Variants in CNTNAP2 observed in about 807,000 individuals in gnomAD.
CNTNAP2 encodes the protein contactin-associated protein-like 2.
CNTNAP2 carries 98 observed loss-of-function variants against 155.2 expected under a neutral mutation model. That is an observed-to-expected ratio of 0.63 (90% CI 0.54 to 0.75). The LOEUF is 0.75. CNTNAP2 is among the 30% of genes least tolerant of loss of function. The pLI is 0.00. For missense variants in CNTNAP2, 1,727 were observed against 1,688.1 expected, an observed-to-expected ratio of 1.02 and a Z score of -0.40; for synonymous variants, 651 against 631.2, an observed-to-expected ratio of 1.03 and a Z score of -0.47.
intron 3 of CNTNAP2, among the ~76,000 whole-genome samples, chr7:146,891,071 TAAAC>T (rs1467942254): frequency 2.0e-5 from 3 of 152,178 alleles, no homozygotes; most frequent in South Asian, 2.1e-4. Context: ...CCACAAAAAA[TAAAC>T]AAAATTATGT....
intron 14 of CNTNAP2, among the ~76,000 whole-genome samples, chr7:147,964,129 G>C (rs142034295): frequency 6.6e-4 from 101 of 152,160 alleles, no homozygotes; most frequent in African/African-American, 2.3e-3. Context: ...ACACAGGAGA[G>C]GTTCCTTTCT....
At chr7:147,484,897 A>G (rs765577656) in intron 10 of CNTNAP2, among the ~76,000 whole-genome samples, 1 of 152,228 alleles carries the variant, frequency 6.6e-6, no homozygotes, top group South Asian at 2.1e-4. Flanking sequence ...TCCCTACTAA[A>G]GTCTAGATGT....
chr7:146,656,604 G>T (rs1374387399), intron 1 of CNTNAP2, among the ~76,000 whole-genome samples: 1 of 152,126 alleles, frequency 6.6e-6, no homozygotes, highest in Non-Finnish European at 1.5e-5. Context: ...TGGCTTAACA[G>T]GTGTGCCAAT....
chr7:147,628,615 C>A (rs1403758509), intron 12 of CNTNAP2, among the ~76,000 whole-genome samples: 3 of 151,962 alleles, frequency 2.0e-5, no homozygotes, highest in Non-Finnish European at 4.4e-5. Context: ...GAAAACAGTA[C>A]CTCACATCTC....
intron 20 of CNTNAP2, 138 bp from the exon 21 acceptor site, chr7:148,266,895 T>A: frequency 3.8e-6 from 3 of 793,428 alleles, no homozygotes; most frequent in Non-Finnish European, 6.5e-6. Context: ...CTCGGGGTGG[T>A]GTTTTAGAGT....
At position 146,330,709 on chromosome 7, in the gene CNTNAP2, G is replaced by A. The variant is rs552276715; in HGVS notation, c.97+213736G>A. Among the ~76,000 whole-genome samples, 9 of 152,284 alleles carry A rather than the reference G, an allele frequency of 5.9e-5. 1 individual carries two copies. In the East Asian group the frequency reaches 1.7e-3, roughly 29 times the overall value. ...CCCTGAGGCTGGTTTATACTTGGCT[G>A]TTGGAGGAAAAGCAAGTGGCGATTT... On this transcript the variant is annotated intron_variant, in intron 1 of 23. Transcript: ENST00000361727.
chr7:146,706,720 A>G (rs111383334), intron 1 of CNTNAP2, among the ~76,000 whole-genome samples: 6 of 152,182 alleles, frequency 3.9e-5, no homozygotes, highest in African/African-American at 1.4e-4. Flanking sequence ...CAATGATGAG[A>G]ACACATGGAC....
intron 1 of CNTNAP2, among the ~76,000 whole-genome samples, chr7:146,637,720 G>A (rs982612816): frequency 6.6e-6 from 1 of 152,156 alleles, no homozygotes; most frequent in Non-Finnish European, 1.5e-5. Flanking sequence ...TCTGAACTAT[G>A]CAGAGTAGGA....
At chr7:147,825,440 C>T (rs561818845) in intron 13 of CNTNAP2, among the ~76,000 whole-genome samples, 3 of 152,032 alleles carry the variant, frequency 2.0e-5, no homozygotes, top group Non-Finnish European at 2.9e-5. Context: ...GGGTAGAACT[C>T]GAAGAAAGTT....
At chr7:146,669,926 A>G (rs1230253771) in intron 1 of CNTNAP2, among the ~76,000 whole-genome samples, 1 of 152,134 alleles carries the variant, frequency 6.6e-6, no homozygotes, top group African/African-American at 2.4e-5. Context: ...GCTTTTTAGT[A>G]GCTATTTCCT....
At chr7:147,091,940 C>T (rs1167966235) in intron 4 of CNTNAP2, among the ~76,000 whole-genome samples, 1 of 151,848 alleles carries the variant, frequency 6.6e-6, no homozygotes, top group Non-Finnish European at 1.5e-5. Context: ...GGGGTTTCAC[C>T]ATGTCAGTCA....
intron 1 of CNTNAP2, among the ~76,000 whole-genome samples, chr7:146,504,154 C>G (rs1372438827): frequency 6.6e-6 from 1 of 152,252 alleles, no homozygotes; most frequent in Non-Finnish European, 1.5e-5. Flanking sequence ...TCCTTACGCT[C>G]CACCCTCTAG....
intron 15 of CNTNAP2, among the ~76,000 whole-genome samples, chr7:148,104,551 A>G (rs4266567): frequency 0.16 from 24,894 of 152,182 alleles, 5,612 homozygotes; most frequent in African/African-American, 0.51. Flanking sequence ...TTTACAGCTC[A>G]GCTATGACCA....
intron 13 of CNTNAP2, chr7:147,704,256 G>GT (rs1796277381): frequency 6.5e-6 from 1 of 153,380 alleles, no homozygotes; most frequent in South Asian, 2.1e-4. Flanking sequence ...GAAATTTGTC[G>GT]TTTTCTCCCT....
In CNTNAP2 at chr7:147,132,265, T is replaced by C. The variant is rs1483000226; in HGVS notation, c.1104T>C (p.Cys368=). The change falls in exon 8 of 24, where the codon TGT becomes TGC. Residue 368 remains cysteine (C), a synonymous_variant. Coordinates refer to ENST00000361727, the MANE Select transcript of CNTNAP2 (RefSeq NM_014141.6). The stretch of plus-strand genomic sequence containing the variant: ...TACAGGGAAATTTGAGCTTTTCTTG[T>C]GTGGAACCCTATACGGTGCCTGTCT... ...PSNVGNLSFS[C]VEPYTVPVFF... 7.4e-6 allele frequency: 12 copies of C among 1,613,718 alleles called. No homozygotes were observed. The highest frequency in any genetic ancestry group is 1.0e-5 in the Non-Finnish European group (12 of 1,179,750).
At chr7:146,478,909 C>T (rs1796919411) in intron 1 of CNTNAP2, among the ~76,000 whole-genome samples, 1 of 151,998 alleles carries the variant, frequency 6.6e-6, no homozygotes, top group Admixed American at 6.6e-5. Flanking sequence ...TGTCTACTGC[C>T]TAAGTAATTA....
intron 1 of CNTNAP2, among the ~76,000 whole-genome samples, chr7:146,132,746 C>T (rs1156799516): frequency 6.6e-6 from 1 of 151,594 alleles, no homozygotes; most frequent in African/African-American, 2.4e-5. Flanking sequence ...ATGAACTCAT[C>T]ATTTTTTATG....
intron 5 of CNTNAP2, among the ~76,000 whole-genome samples, chr7:147,110,837 T>C (rs1211765002): frequency 1.3e-5 from 2 of 152,184 alleles, no homozygotes; most frequent in South Asian, 2.1e-4. Flanking sequence ...AATGAACATA[T>C]GTATGCATGT....
intron 4 of CNTNAP2, among the ~76,000 whole-genome samples, chr7:147,066,185 A>G (rs572544545): frequency 1.3e-5 from 2 of 152,310 alleles, no homozygotes; most frequent in East Asian, 1.9e-4. Flanking sequence ...AGTTTTCTCA[A>G]TGACCCTAAC....
Sources: allele counts gnomAD v4.1 joint callset (sites outside exome capture counted in the v4.1 genomes callset), GRCh38; gene constraint gnomAD v4.1.1; transcripts MANE v1.5; gene names NCBI Gene and HGNC (gene_info 2026-07-23, HGNC 2026-07-21).